Variants in GIMAP1 observed in about 807,000 individuals in gnomAD.
GIMAP1 encodes GTPase, IMAP family member 1.
For missense variants in GIMAP1, 423 were observed against 411.9 expected (o/e 1.03, Z -0.23); for synonymous variants, 230 against 187.7 (o/e 1.23, Z -1.84).
rs1218598475 is a variant in GIMAP1, at chr7:150,720,557, G to A, written c.553G>A (p.Val185Ile). 1.2e-6 allele frequency: 2 copies of A among 1,613,306 alleles called. No homozygotes were observed. Among genetic ancestry groups the A allele is most frequent in the East Asian group, 2.2e-5 (1 of 44,872 alleles). Residue 185 changes from valine (V) to isoleucine (I), a missense_variant, in exon 3 of 3, where the codon GTC becomes ATC. Coordinates refer to ENST00000307194, the MANE Select transcript of GIMAP1 (RefSeq NM_130759.4). The surrounding 1 kb of genome is among the most constrained non-coding windows in gnomAD (Gnocchi z 4.5). Reference sequence around the variant, plus strand: ...GCTGGTGGCCGAGTGCGGGGGCCGGGTCTGTGCCTTTGATAACCGGGCCAC... The same window carrying A: ...GCTGGTGGCCGAGTGCGGGGGCCGGATCTGTGCCTTTGATAACCGGGCCAC... The part of the protein sequence containing the change: ...RELVAECGGR[V>I]CAFDNRATGR...
rs1296989346 is a variant in GIMAP1, at chr7:150,721,917, A to ACACACT, written c.*994_*995insCACTCA. 1.3e-5 allele frequency: 2 copies of ACACACT among 150,678 alleles called. No homozygotes were observed. The highest frequency in any genetic ancestry group is 4.9e-5 in the African/African-American group (2 of 40,648). The allele number at this position is 150,678 out of a possible 1,614,324, so 9.3% of individuals were successfully genotyped here. A position where few individuals can be genotyped will look rare whatever the true frequency, so the allele number is the denominator to read the frequency against. On this transcript the variant is annotated 3_prime_UTR_variant, in exon 3 of 3. Transcript: ENST00000307194. ...CACACACACACACACACACACACAC[A>ACACACT]CAGTCTGTATCTCGAGCTCCTCTCT...
At chr7:150,717,884 T>C (rs1797239494) in intron 1 of GIMAP1, among the ~76,000 whole-genome samples, 1 of 152,212 alleles carries the variant, frequency 6.6e-6, no homozygotes, top group South Asian at 2.1e-4. Context: ...AGATTTAATA[T>C]GAGGCAAATC....
chr7:150,720,903 T>A lies in GIMAP1; in HGVS notation c.899T>A (p.Val300Asp), dbSNP rs111896766. The change falls in exon 3 of 3, where the codon GTT becomes GAT. Residue 300 changes from valine (V) to aspartate (D), a missense_variant. By Grantham distance (152) the Val-to-Asp change is radical. Coordinates refer to ENST00000307194, the MANE Select transcript of GIMAP1 (RefSeq NM_130759.4). This position sits in a 1 kb window ranked among gnomAD's most constrained non-coding sequence, Gnocchi z 4.5. ...CTCCACAGGCGGTGGTCGGAGGCCGTTGCGGAGGTCGGGCCTGACTGACAG... is the reference window on the plus strand; with the variant it reads ...CTCCACAGGCGGTGGTCGGAGGCCGATGCGGAGGTCGGGCCTGACTGACAG... The part of the protein sequence containing the change: ...VLLHRRWSEA[V>D]AEVGPD 5.1e-6 allele frequency: 8 copies of A among 1,582,942 alleles called. No individual in the cohort carries two copies. The African/African-American group carries it at 9.5e-5, about 19-fold the overall frequency.
intron 1 of GIMAP1, among the ~76,000 whole-genome samples, chr7:150,718,688 C>G (rs954523272): frequency 1.3e-5 from 2 of 152,202 alleles, no homozygotes; most frequent in African/African-American, 4.8e-5. Context: ...CCTGAAAAGA[C>G]AAATCTAGCC....
rs1797344335 is a variant in GIMAP1, at chr7:150,723,968, C to A, written c.*3043C>A. The A allele has an allele frequency of 6.6e-6, 1 of 152,084 alleles. No individual in the cohort carries two copies. Among genetic ancestry groups the A allele is most frequent in the Admixed American group, 6.6e-5 (1 of 15,260 alleles). The allele number at this position is 152,084 out of a possible 1,614,324, so 9.4% of individuals were successfully genotyped here. ...CTTATTTCTGAAAGCTAGTGTTGGC[C>A]ATGATGAACTTTTAGAGCAAAAGAT... On this transcript the variant is annotated 3_prime_UTR_variant, in exon 3 of 3. Transcript: ENST00000307194.
In GIMAP1 at chr7:150,720,460, C is replaced by G. The variant is rs779789140; in HGVS notation, c.456C>G (p.Thr152=). The G allele has an allele frequency of 1.5e-5, 24 of 1,572,050 alleles. No individual in the cohort carries two copies. The highest frequency in any genetic ancestry group is 2.1e-5 in the Non-Finnish European group (24 of 1,158,188). ...TAAAATGGATGGTCATCGTCTTCACCAGGAAGGAGGACCTGGCCGGGGGCT... is the reference window on the plus strand; with the variant it reads ...TAAAATGGATGGTCATCGTCTTCACGAGGAAGGAGGACCTGGCCGGGGGCT... ...DVLKWMVIVF[T]RKEDLAGGSL... Residue 152 remains threonine (T), a synonymous_variant, in exon 3 of 3, where the codon ACC becomes ACG. Coordinates refer to ENST00000307194, the MANE Select transcript of GIMAP1 (RefSeq NM_130759.4). The surrounding 1 kb of genome is among the most constrained non-coding windows in gnomAD (Gnocchi z 4.5).
Position 150,721,130 on chromosome 7 carries a change from T to C in GIMAP1, c.*205T>C. The stretch of plus-strand genomic sequence containing the variant: ...TTTTTAACTCATTTTAAATGATGTG[T>C]ATGCAGAGTTTTAAAATAAATTCGT... On this transcript the variant is annotated 3_prime_UTR_variant, in exon 3 of 3. Coordinates refer to ENST00000307194, the MANE Select transcript of GIMAP1 (RefSeq NM_130759.4). The C allele has an allele frequency of 2.2e-6, 1 of 448,374 alleles. No homozygotes were observed. Among genetic ancestry groups the C allele is most frequent in the Non-Finnish European group, 3.9e-6 (1 of 259,210 alleles). 27.8% of individuals were successfully genotyped at this position (448,374 alleles called of 1,614,324 possible).
At chr7:150,719,726 G>A (rs542591520) in intron 2 of GIMAP1, among the ~76,000 whole-genome samples, 55 of 152,266 alleles carry the variant, frequency 3.6e-4, no homozygotes, top group African/African-American at 1.1e-3. Context: ...CCTGTCTCTG[G>A]GGATGGTCTC....
In GIMAP1 at chr7:150,723,805, G is replaced by T. The variant is rs981542392; in HGVS notation, c.*2880G>T. ...GTGTAAATATATATCCATTTCAATT[G>T]TCCCCCTTCCTCTCCTCTCCTTTTA... On this transcript the variant is annotated 3_prime_UTR_variant, in exon 3 of 3. Coordinates refer to ENST00000307194, the MANE Select transcript of GIMAP1 (RefSeq NM_130759.4). 2 of 152,056 alleles carry T rather than the reference G, an allele frequency of 1.3e-5. No individual in the cohort carries two copies. Among genetic ancestry groups the T allele is most frequent in the Non-Finnish European group, 1.5e-5 (1 of 68,010 alleles). 9.4% of individuals were successfully genotyped at this position (152,056 alleles called of 1,614,324 possible). A position where few individuals can be genotyped will look rare whatever the true frequency, so the allele number is the denominator to read the frequency against.
chr7:150,718,607 A>G (rs1797249794), intron 1 of GIMAP1, among the ~76,000 whole-genome samples: 1 of 152,198 alleles, frequency 6.6e-6, no homozygotes, highest in Non-Finnish European at 1.5e-5. Flanking sequence ...ACCCAGGGAA[A>G]AGTAATACCT....
Position 150,719,018 on chromosome 7 carries a change from A to C in GIMAP1, c.-6-24A>C, listed in dbSNP as rs369319833. The stretch of plus-strand genomic sequence containing the variant: ...TTGAGGAATAAATAAATGAATTAAC[A>C]AATTGTGTTTGGGACTCTTCCAGGT... On this transcript the variant is annotated intron_variant, in intron 1 of 2. Coordinates refer to ENST00000307194, the MANE Select transcript of GIMAP1 (RefSeq NM_130759.4). 53 of 1,613,940 alleles carry C rather than the reference A, an allele frequency of 3.3e-5. No homozygotes were observed. In the African/African-American group the frequency reaches 6.7e-4, roughly 20 times the overall value.
Position 150,721,088 on chromosome 7 carries a change from A to G in GIMAP1, c.*163A>G, listed in dbSNP as rs1210316335. 5 of 582,290 alleles carry G rather than the reference A, an allele frequency of 8.6e-6. No homozygotes were observed. Among genetic ancestry groups the G allele is most frequent in the Non-Finnish European group, 1.4e-5 (5 of 359,970 alleles). The allele number at this position is 582,290 out of a possible 1,614,324, so 36.1% of individuals were successfully genotyped here. ...CACCTTTGCAACTTTGCCAAAGCTC[A>G]GAGTTCACTTTTTAAGTTTTTAACT... On this transcript the variant is annotated 3_prime_UTR_variant, in exon 3 of 3. Coordinates refer to ENST00000307194, the MANE Select transcript of GIMAP1 (RefSeq NM_130759.4).
In GIMAP1 at chr7:150,720,424, G is replaced by A. The variant is rs771594865; in HGVS notation, c.420G>A (p.Gly140=). ...QAVRQVRDMF[G]EDVLKWMVIV... ...TGAGGCAGGTGAGGGACATGTTCGG[G>A]GAGGACGTCCTAAAATGGATGGTCA... is the stretch of plus-strand genomic sequence containing the variant. The change falls in exon 3 of 3, where the codon GGG becomes GGA. Residue 140 remains glycine (G), a synonymous_variant. Coordinates refer to ENST00000307194, the MANE Select transcript of GIMAP1 (RefSeq NM_130759.4). This position sits in a 1 kb window ranked among gnomAD's most constrained non-coding sequence, Gnocchi z 4.5. The A allele has an allele frequency of 4.7e-5, 74 of 1,578,018 alleles. No individual in the cohort carries two copies. Among genetic ancestry groups the A allele is most frequent in the Non-Finnish European group, 6.3e-5 (73 of 1,160,428 alleles).
Position 150,719,075 on chromosome 7 carries a change from G to C in GIMAP1, c.28G>C (p.Glu10Gln), listed in dbSNP as rs1277046547. MGGRKMATD[E>Q]ENVYGLEENA... ...GGGAGGAAGGAAGATGGCGACAGAT[G>C]AAGAAAATGTCTATGGTAAGACCAT... Residue 10 changes from glutamate (E) to glutamine (Q), a missense_variant, in exon 2 of 3, where the codon GAA becomes CAA. By Grantham distance (29) the Glu-to-Gln change is conservative. Coordinates refer to ENST00000307194, the MANE Select transcript of GIMAP1 (RefSeq NM_130759.4). The C allele has an allele frequency of 1.9e-6, 3 of 1,614,084 alleles. No homozygotes were observed. The highest frequency in any genetic ancestry group is 4.5e-5 in the East Asian group (2 of 44,894).
intron 1 of GIMAP1, among the ~76,000 whole-genome samples, chr7:150,717,502 C>A (rs1193122756): frequency 6.6e-6 from 1 of 152,050 alleles, no homozygotes; most frequent in Admixed American, 6.6e-5. Context: ...TATAAGTGTA[C>A]ATTCCTCAAT....
In GIMAP1 at chr7:150,723,243, G is replaced by A. The variant is rs184788384; in HGVS notation, c.*2318G>A. 7.3e-4 allele frequency: 109 copies of A among 149,810 alleles called. No homozygotes were observed. Among genetic ancestry groups the A allele is most frequent in the African/African-American group, 2.6e-3 (106 of 40,666 alleles). 9.3% of individuals were successfully genotyped at this position (149,810 alleles called of 1,614,324 possible). ...TTTTTTTTTTCATCTTTGTATCCCCGTTATACAACCCAGTGCCTGGCATAG... is the reference window on the plus strand; with the variant it reads ...TTTTTTTTTTCATCTTTGTATCCCCATTATACAACCCAGTGCCTGGCATAG... On this transcript the variant is annotated 3_prime_UTR_variant, in exon 3 of 3. Coordinates refer to ENST00000307194, the MANE Select transcript of GIMAP1 (RefSeq NM_130759.4).
In GIMAP1 at chr7:150,720,352, C is replaced by G. The variant is rs765008977; in HGVS notation, c.348C>G (p.Leu116=). ...LLSAPGPHAL[L]LVTQLGRFTA... Reference sequence around the variant, plus strand: ...CGGCCCCCGGACCCCACGCGCTGCTCCTGGTGACCCAGTTGGGTCGGTTCA... The same window carrying G: ...CGGCCCCCGGACCCCACGCGCTGCTGCTGGTGACCCAGTTGGGTCGGTTCA... Residue 116 remains leucine (L), a synonymous_variant, in exon 3 of 3, where the codon CTC becomes CTG. Transcript: ENST00000307194. This position sits in a 1 kb window ranked among gnomAD's most constrained non-coding sequence, Gnocchi z 4.5. The G allele has an allele frequency of 9.9e-6, 16 of 1,611,024 alleles. No individual in the cohort carries two copies. Among genetic ancestry groups the G allele is most frequent in the Admixed American group, 5.0e-5 (3 of 59,792 alleles).
intron 2 of GIMAP1, 55 bp from the exon 3 acceptor site, chr7:150,719,993 T>G (rs1188666657): frequency 2.7e-6 from 4 of 1,501,022 alleles, no homozygotes; most frequent in Non-Finnish European, 3.5e-6. Flanking sequence ...AAGATTCCAG[T>G]TCCCAAGGGG....
chr7:150,721,143 A>T lies in GIMAP1; in HGVS notation c.*218A>T. 2.4e-6 allele frequency: 1 copy of T among 425,114 alleles called. No homozygotes were observed. The highest frequency in any genetic ancestry group is 4.1e-6 in the Non-Finnish European group (1 of 245,090). The allele number at this position is 425,114 out of a possible 1,614,324, so 26.3% of individuals were successfully genotyped here. On this transcript the variant is annotated 3_prime_UTR_variant, in exon 3 of 3. Transcript: ENST00000307194. ...TTAAATGATGTGTATGCAGAGTTTTAAAATAAATTCGTCTAACAATAACTT... is the reference window on the plus strand; with the variant it reads ...TTAAATGATGTGTATGCAGAGTTTTTAAATAAATTCGTCTAACAATAACTT...
Sources: allele counts gnomAD v4.1 joint callset (sites outside exome capture counted in the v4.1 genomes callset), GRCh38; gene constraint gnomAD v4.1.1; non-coding constraint Gnocchi (gnomAD v3.1); transcripts MANE v1.5; gene names NCBI Gene and HGNC (gene_info 2026-07-23, HGNC 2026-07-21).